EXOSC9: variants seen among roughly 807,000 people sequenced by gnomAD.
EXOSC9 encodes exosome component 9.
In EXOSC9, 38 loss-of-function variants were observed where a neutral mutation model predicts 56.5. The observed-to-expected ratio is 0.67, with a 90% CI of 0.52 to 0.88. The LOEUF is 0.88. EXOSC9 is among the 40% of genes least tolerant of loss of function. The pLI is 0.00. For synonymous variants in EXOSC9, 170 were observed against 170.8 expected, an observed-to-expected ratio of 0.99 and a Z score of 0.04; for missense variants, 559 against 530.5, an observed-to-expected ratio of 1.05 and a Z score of -0.53.
chr4:121,802,031 T>A lies in EXOSC9; in HGVS notation c.161+110T>A, dbSNP rs1726884326. ...AAGAAGTCTGGACAGTATTCTTTGTTTAGCTGACAAAAATAAGTATTTTTT... is the reference window on the plus strand; with the variant it reads ...AAGAAGTCTGGACAGTATTCTTTGTATAGCTGACAAAAATAAGTATTTTTT... On this transcript the variant is annotated intron_variant, in intron 2 of 11. Transcript: ENST00000243498. The A allele has an allele frequency of 1.7e-5, 13 of 766,432 alleles. No individual in the cohort carries two copies. The South Asian group carries it at 2.2e-4, about 13-fold the overall frequency. The allele number at this position is 766,432 out of a possible 1,614,324, so 47.5% of individuals were successfully genotyped here. A position where few individuals can be genotyped will look rare whatever the true frequency, so the allele number is the denominator to read the frequency against.
intron 4 of EXOSC9, among the ~76,000 whole-genome samples, chr4:121,804,234 G>A (rs980539893): frequency 2.1e-5 from 3 of 145,506 alleles, no homozygotes; most frequent in South Asian, 2.2e-4. Flanking sequence ...GGCTGGTCTC[G>A]AACTCCTAGG....
At position 121,807,574 on chromosome 4, in the gene EXOSC9, G is replaced by C; in HGVS notation, c.557G>C (p.Ser186Thr). The change falls in exon 6 of 12, where the codon AGT (serine) becomes ACT (threonine). Residue 186 changes from serine (S) to threonine (T), a missense_variant. Transcript: ENST00000243498. ...TPEERDPVPL[S>T]IHHMPICVSF... ...GAAGAGCGTGATCCTGTACCATTAA[G>C]TATCCACCACATGCCCATTTGTGTC... is the stretch of plus-strand genomic sequence containing the variant. 1 of 1,613,516 alleles carries C rather than the reference G, an allele frequency of 6.2e-7. No homozygotes were observed. The highest frequency in any genetic ancestry group is 1.3e-5 in the African/African-American group (1 of 75,016).
intron 10 of EXOSC9, 109 bp downstream of exon 10, chr4:121,814,156 T>C (rs1273913547): frequency 3.0e-5 from 19 of 642,174 alleles, no homozygotes; most frequent in Non-Finnish European, 5.0e-5. Context: ...TATCACTGTA[T>C]ATAGTAATAT....
At chr4:121,812,885 T>C (rs1466994796) in intron 8 of EXOSC9, among the ~76,000 whole-genome samples, 2 of 152,244 alleles carry the variant, frequency 1.3e-5, no homozygotes, top group African/African-American at 2.4e-5. Flanking sequence ...TTTCCATCTC[T>C]ACCTCTTACT....
Position 121,801,824 on chromosome 4 carries a change from C to T in EXOSC9, c.67-3C>T. On this transcript the variant is annotated splice_polypyrimidine_tract_variant and splice_region_variant and intron_variant, in intron 1 of 11. Transcript: ENST00000243498. ...AAATTAATGAATGAATTTGTGCTTA[C>T]AGCGGCTGGATGGCAGACAAACCTA... is the stretch of plus-strand genomic sequence containing the variant. 1 of 1,610,504 alleles carries T rather than the reference C, an allele frequency of 6.2e-7. No homozygotes were observed. Among genetic ancestry groups the T allele is most frequent in the East Asian group, 2.2e-5 (1 of 44,864 alleles).
At chr4:121,804,106 T>G (rs1409285937) in intron 4 of EXOSC9, among the ~76,000 whole-genome samples, 1 of 151,914 alleles carries the variant, frequency 6.6e-6, no homozygotes, top group Non-Finnish European at 1.5e-5. Flanking sequence ...GCTCAAGAGA[T>G]CCTCTCTCCT....
At chr4:121,802,541 T>C (rs1324030272) in intron 2 of EXOSC9, 133 bp from the exon 3 acceptor site, 3 of 787,592 alleles carry the variant, frequency 3.8e-6, no homozygotes, top group Non-Finnish European at 6.0e-6. Context: ...TTACATATAA[T>C]TTTTATCTCC....
chr4:121,806,419 A>G (rs902367489), intron 5 of EXOSC9, among the ~76,000 whole-genome samples: 2 of 152,046 alleles, frequency 1.3e-5, no homozygotes, highest in Non-Finnish European at 2.9e-5. Context: ...CTGGGATTAC[A>G]GACGTGAGCC....
At chr4:121,815,964 C>G in intron 10 of EXOSC9, 1 of 1,239,694 alleles carries the variant, frequency 8.1e-7, no homozygotes, top group Non-Finnish European at 1.0e-6. Flanking sequence ...TAAGCCTCCA[C>G]CTAGAGTTTT....
intron 5 of EXOSC9, among the ~76,000 whole-genome samples, chr4:121,806,671 C>G (rs1324689947): frequency 6.6e-6 from 1 of 151,954 alleles, no homozygotes; most frequent in Non-Finnish European, 1.5e-5. Context: ...GAATGCTGTT[C>G]AGTAATGAAA....
Position 121,807,547 on chromosome 4 carries a change from C to A in EXOSC9, c.530C>A (p.Pro177His). The A allele has an allele frequency of 6.2e-7, 1 of 1,607,910 alleles. No homozygotes were observed. The highest frequency in any genetic ancestry group is 8.5e-7 in the Non-Finnish European group (1 of 1,174,652). The change falls in exon 6 of 12, where the codon CCT becomes CAT. Residue 177 changes from proline to histidine, a missense_variant. Transcript: ENST00000243498. ...VQGDEVTLYT[P>H]EERDPVPLSI... The stretch of plus-strand genomic sequence containing the variant: ...CATTTTCTTTTGAAACAGTATACAC[C>A]TGAAGAGCGTGATCCTGTACCATTA...
chr4:121,801,533 CG>C, intron 1 of EXOSC9, 43 bp downstream of exon 1: 1 of 1,593,028 alleles, frequency 6.3e-7, no homozygotes. Context: ...CGTGGGCGCT[CG>C]GGTCTCAAGG....
intron 1 of EXOSC9, 60 bp from the exon 2 acceptor site, chr4:121,801,767 G>C (rs770656674): frequency 7.0e-7 from 1 of 1,433,558 alleles, no homozygotes; most frequent in Admixed American, 1.7e-5. Context: ...CAGACAAAAA[G>C]TAGTTGCTTA....
rs1194577333 is a variant in EXOSC9, at chr4:121,816,178, C to T, written c.1157-191C>T. 3 of 651,048 alleles carry T rather than the reference C, an allele frequency of 4.6e-6. No homozygotes were observed. Among genetic ancestry groups the T allele is most frequent in the South Asian group, 1.8e-5 (1 of 54,238 alleles). The allele number at this position is 651,048 out of a possible 1,614,324, so 40.3% of individuals were successfully genotyped here. A position where few individuals can be genotyped will look rare whatever the true frequency, so the allele number is the denominator to read the frequency against. On this transcript the variant is annotated intron_variant, in intron 10 of 11. Coordinates refer to ENST00000243498, the MANE Select transcript of EXOSC9 (RefSeq NM_005033.3). The stretch of plus-strand genomic sequence containing the variant: ...TTCACCATGTTGGCCAGACTGGACT[C>T]GAGTTCCTGACCTCAGGTAATCCAC...
At chr4:121,808,298 A>G (rs1474893923) in intron 6 of EXOSC9, among the ~76,000 whole-genome samples, 2 of 152,334 alleles carry the variant, frequency 1.3e-5, no homozygotes, top group African/African-American at 4.8e-5. Context: ...GAGTTTTATC[A>G]GAGGAAAATG....
Position 121,804,673 on chromosome 4 carries a change from A to G in EXOSC9, c.436A>G (p.Ile146Val), listed in dbSNP as rs1189205518. The change falls in exon 5 of 12, where the codon ATT (isoleucine) becomes GTT (valine). Residue 146 changes from isoleucine to valine, a missense_variant. Ile to Val is a conservative substitution (Grantham distance 29, BLOSUM62 3). Transcript: ENST00000243498. ...TTTATTAAATCATGATGGAAATATT[A>G]TTGATGCTGCCAGCATTGCTGCAAT... ...LHLLNHDGNI[I>V]DAASIAAIVA... 2 of 1,607,716 alleles carry G rather than the reference A, an allele frequency of 1.2e-6. No homozygotes were observed. Among genetic ancestry groups the G allele is most frequent in the Non-Finnish European group, 8.5e-7 (1 of 1,174,470 alleles).
chr4:121,802,018 C>A (rs915245302), intron 2 of EXOSC9, 97 bp downstream of exon 2: 11 of 872,958 alleles, frequency 1.3e-5, no homozygotes, highest in Non-Finnish European at 1.9e-6. Flanking sequence ...GAAGTCTGGA[C>A]AGTATTCTTT....
intron 5 of EXOSC9, among the ~76,000 whole-genome samples, chr4:121,805,893 C>T (rs1442004779): frequency 2.7e-5 from 4 of 150,602 alleles, no homozygotes; most frequent in Non-Finnish European, 4.4e-5. Context: ...GTAACCTCTG[C>T]CTCCTGGACT....
intron 2 of EXOSC9, among the ~76,000 whole-genome samples, chr4:121,802,150 A>G (rs1169522805): frequency 2.0e-5 from 3 of 152,222 alleles, no homozygotes; most frequent in Non-Finnish European, 4.4e-5. Flanking sequence ...TCTGACTTCT[A>G]TAAATCGTAT....
Sources: gnomAD v4.1 joint callset for allele counts (sites outside exome capture counted in the v4.1 genomes callset) on GRCh38, gnomAD v4.1.1 for gene constraint, MANE v1.5 for transcripts, NCBI Gene and HGNC (gene_info 2026-07-23, HGNC 2026-07-21) for gene names.